Variants in NCOA6 observed in about 807,000 individuals in gnomAD.
NCOA6 encodes nuclear receptor coactivator 6, also known as NRC RAP250.
NCOA6 carries 49 observed loss-of-function variants against 171.4 expected under a neutral mutation model. That is an observed-to-expected ratio of 0.29 (90% confidence interval 0.23 to 0.36). NCOA6 has a LOEUF of 0.36. Among genes scored for constraint, NCOA6 ranks in the 10% least tolerant of loss-of-function variants. NCOA6 has a pLI of 1.00. For missense variants in NCOA6, 2,248 were observed against 2,554.5 expected, an observed-to-expected ratio of 0.88 and a Z score of 2.59; for synonymous variants, 910 against 927.5, an observed-to-expected ratio of 0.98 and a Z score of 0.34.
chr20:34,722,792 C>T (rs1438363762), intron 14 of NCOA6, among the ~76,000 whole-genome samples: 3 of 151,322 alleles, frequency 2.0e-5, no homozygotes, highest in Non-Finnish European at 4.4e-5. Context: ...TCGAGACCAG[C>T]CTGGCCAACA....
At chr20:34,769,987 A>G (rs1225092938) in intron 4 of NCOA6, among the ~76,000 whole-genome samples, 1 of 152,088 alleles carries the variant, frequency 6.6e-6, no homozygotes, top group Middle Eastern at 3.2e-3. Context: ...GGTAAAACAG[A>G]AAGTTAATGA....
intron 1 of NCOA6, among the ~76,000 whole-genome samples, chr20:34,800,131 T>C (rs1172860389): frequency 6.6e-6 from 1 of 152,170 alleles, no homozygotes; most frequent in African/African-American, 2.4e-5. Flanking sequence ...AGTTTTCTCT[T>C]TGTTTATGCA....
At chr20:34,802,122 G>A (rs1214675531) in intron 1 of NCOA6, among the ~76,000 whole-genome samples, 2 of 152,160 alleles carry the variant, frequency 1.3e-5, no homozygotes. Context: ...AAACACTAAT[G>A]CAAAAATCCT....
At chr20:34,765,439 C>CAAAAAAAAAAAAAAAAAAGAA in intron 5 of NCOA6, among the ~76,000 whole-genome samples, 1 of 106,508 alleles carries the variant, frequency 9.4e-6, no homozygotes, top group Non-Finnish European at 2.0e-5. Context: ...GAGTCCGTCT[C>CAAAAAAAAAAAAAAAAAAGAA]AAAAAAAAAA....
chr20:34,801,653 T>C (rs1165904922), intron 1 of NCOA6, among the ~76,000 whole-genome samples: 3 of 152,120 alleles, frequency 2.0e-5, no homozygotes, highest in African/African-American at 4.8e-5. Context: ...ATCCAAAACC[T>C]GAACAGACCA....
At chr20:34,797,027 G>A (rs1337489735) in intron 1 of NCOA6, among the ~76,000 whole-genome samples, 4 of 152,106 alleles carry the variant, frequency 2.6e-5, no homozygotes, top group Non-Finnish European at 5.9e-5. Context: ...CCCCATCTCA[G>A]ATATGCAACA....
chr20:34,782,460 G>A, intron 2 of NCOA6, 56 bp from the exon 3 acceptor site: 1 of 449,272 alleles, frequency 2.2e-6, no homozygotes, highest in Non-Finnish European at 3.9e-6. Flanking sequence ...ATTCAACAAT[G>A]TATAATTCAT....
chr20:34,746,029 T>C (rs2076290849), intron 10 of NCOA6, among the ~76,000 whole-genome samples: 1 of 152,188 alleles, frequency 6.6e-6, no homozygotes, highest in South Asian at 2.1e-4. Flanking sequence ...CTTTATATCT[T>C]CTTTATATTT....
chr20:34,758,849 T>A lies in NCOA6; in HGVS notation c.599A>T (p.Asn200Ile). The change falls in exon 6 of 15, where the codon AAT (asparagine) becomes ATT (isoleucine). Residue 200 changes from asparagine (N) to isoleucine (I), a missense_variant. Transcript: ENST00000359003. ...AGGAGTCCTGGGCTGCAGCTCTGGA[T>A]TGGGGCCTGGTGCCATCATGGAAGA... ...VSSSMMAPGP[N>I]PELQPRTPRP... The A allele has an allele frequency of 6.2e-7, 1 of 1,613,474 alleles. No individual in the cohort carries two copies. The highest frequency in any genetic ancestry group is 8.5e-7 in the Non-Finnish European group (1 of 1,179,858).
chr20:34,814,208 G>A (rs1041119185), intron 1 of NCOA6, among the ~76,000 whole-genome samples: 1 of 151,954 alleles, frequency 6.6e-6, no homozygotes, highest in Non-Finnish European at 1.5e-5. Context: ...GCATGGTGGC[G>A]CATGCCTGTA....
chr20:34,803,763 A>T (rs1366286517), intron 1 of NCOA6, among the ~76,000 whole-genome samples: 2 of 152,146 alleles, frequency 1.3e-5, no homozygotes, highest in Non-Finnish European at 2.9e-5. Context: ...TAGGAGGCTG[A>T]GGCAGGCGGA....
At chr20:34,824,676 C>T (rs551398740) in intron 1 of NCOA6, among the ~76,000 whole-genome samples, 130 of 152,332 alleles carry the variant, frequency 8.5e-4, no homozygotes, top group African/African-American at 3.1e-3. Context: ...AGCTCCTGCA[C>T]CCAAACCTCA....
Position 34,741,548 on chromosome 20 carries a change from T to C in NCOA6, c.4708A>G (p.Asn1570Asp). The change falls in exon 11 of 15, where the codon AAC becomes GAC. Residue 1570 changes from asparagine (N) to aspartate (D), a missense_variant. Coordinates refer to ENST00000359003, the MANE Select transcript of NCOA6 (RefSeq NM_014071.5). ...ACTGGAGGGATGCTTGGTGCAACGT[T>C]AGAACTGACCTCACTCAATTCGGGA... ...VHPELSEVSS[N>D]VAPSIPPVMS... The C allele has an allele frequency of 2.5e-6, 4 of 1,614,162 alleles. No individual in the cohort carries two copies. The highest frequency in any genetic ancestry group is 3.4e-6 in the Non-Finnish European group (4 of 1,180,030).
At chr20:34,804,745 A>G (rs1222452324) in intron 1 of NCOA6, among the ~76,000 whole-genome samples, 1 of 152,110 alleles carries the variant, frequency 6.6e-6, no homozygotes, top group Non-Finnish European at 1.5e-5. Context: ...CATGGGGTAC[A>G]GTATAATATT....
intron 1 of NCOA6, among the ~76,000 whole-genome samples, chr20:34,801,149 C>A (rs1469807593): frequency 3.9e-5 from 6 of 152,050 alleles, no homozygotes. Flanking sequence ...TGGAAAATTT[C>A]TTGAAATAAA....
chr20:34,796,416 T>C (rs1003881325), intron 1 of NCOA6, among the ~76,000 whole-genome samples: 4 of 151,978 alleles, frequency 2.6e-5, no homozygotes, highest in Non-Finnish European at 5.9e-5. Context: ...GCCCAGGAGT[T>C]TGAGATCAGC....
chr20:34,773,922 G>A (rs1364772409), intron 4 of NCOA6, among the ~76,000 whole-genome samples: 1 of 152,190 alleles, frequency 6.6e-6, no homozygotes, highest in African/African-American at 2.4e-5. Context: ...AGGAGCATGG[G>A]AACAGAGATC....
intron 14 of NCOA6, among the ~76,000 whole-genome samples, chr20:34,726,370 G>T (rs1254091968): frequency 6.6e-6 from 1 of 152,172 alleles, no homozygotes; most frequent in African/African-American, 2.4e-5. Context: ...CCAAGAGAGA[G>T]GGGGAGAAAG....
At chr20:34,723,047 A>G (rs6060016) in intron 14 of NCOA6, among the ~76,000 whole-genome samples, 1 of 152,194 alleles carries the variant, frequency 6.6e-6, no homozygotes, top group East Asian at 1.9e-4. Flanking sequence ...AAAAAGCTGT[A>G]TAATAAACTG....
Sources: allele counts gnomAD v4.1 joint callset (sites outside exome capture counted in the v4.1 genomes callset), GRCh38; gene constraint gnomAD v4.1.1; transcripts MANE v1.5; gene names NCBI Gene and HGNC (gene_info 2026-07-23, HGNC 2026-07-21).